The following MICAL2 variants were observed in gnomAD, a reference collection of about 807,000 sequenced individuals.
MICAL2 encodes the protein microtubule associated monooxygenase, calponin and LIM domain containing 2.
MICAL2 carries 77 observed loss-of-function variants against 127.3 expected under a neutral mutation model. The ratio of observed to expected loss-of-function variants is 0.60; its 90% CI spans 0.50 to 0.73. The LOEUF is 0.73. Ranked by LOEUF, MICAL2 falls within the 30% of genes least tolerant of loss-of-function variation. The pLI is 0.00. For missense variants in MICAL2, 1,351 were observed against 1,434.4 expected (o/e 0.94, Z 0.94); for synonymous variants, 570 against 551.1 (o/e 1.03, Z -0.48).
intron 2 of MICAL2, among the ~76,000 whole-genome samples, chr11:12,155,493 TACAC>T (rs1219418022): frequency 6.6e-6 from 1 of 151,926 alleles, no homozygotes; most frequent in Non-Finnish European, 1.5e-5. Context: ...CCTGCAAACA[TACAC>T]ACGTACACAT....
chr11:12,194,317 T>C (rs572763268), intron 3 of MICAL2, among the ~76,000 whole-genome samples: 2 of 152,310 alleles, frequency 1.3e-5, no homozygotes, highest in East Asian at 1.9e-4. Context: ...CTGTAAGACA[T>C]GGATGATGGA....
At chr11:12,354,704 G>A in intron 33 of MICAL2, 1 of 1,134,044 alleles carries the variant, frequency 8.8e-7, no homozygotes. Context: ...GAATGCTGTA[G>A]CTACTCTCAA....
At chr11:12,242,528 G>C (rs1340163801) in intron 19 of MICAL2, 96 bp downstream of exon 19, 14 of 1,434,244 alleles carry the variant, frequency 9.8e-6, no homozygotes, top group Non-Finnish European at 1.4e-5. Flanking sequence ...TCCTCCCTCT[G>C]CCCACCCCCT....
rs1235616399 is a variant in MICAL2 at position 12,196,138 on chromosome 11, T to C, written c.265-8112T>C. On this transcript the variant is annotated intron_variant, in intron 3 of 27. Transcript: ENST00000683283. The stretch of plus-strand genomic sequence containing the variant: ...AGGCAGCGTGTGAGCCGGTGAAAAT[T>C]GATTGGATTCTATATCTGTTCTGAA... 9.8e-5 allele frequency: 15 copies of C among 153,416 alleles called. No homozygotes were observed. The Admixed American group carries it at 9.8e-4, about 10-fold the overall frequency. 9.5% of individuals were successfully genotyped at this position (153,416 alleles called of 1,614,324 possible).
chr11:12,279,647 C>G (rs996092175), intron 1 of MICAL2, among the ~76,000 whole-genome samples: 1 of 152,178 alleles, frequency 6.6e-6, no homozygotes, highest in African/African-American at 2.4e-5. Context: ...AGGGCAGGAG[C>G]CAGAGTCTCA....
At chr11:12,163,332 G>A (rs1303631402) in intron 3 of MICAL2, among the ~76,000 whole-genome samples, 3 of 152,194 alleles carry the variant, frequency 2.0e-5, no homozygotes, top group South Asian at 4.1e-4. Context: ...GGTTAAAATC[G>A]AATGTGCTGT....
At chr11:12,148,593 A>G (rs1853215528) in intron 2 of MICAL2, among the ~76,000 whole-genome samples, 1 of 152,196 alleles carries the variant, frequency 6.6e-6, no homozygotes, top group South Asian at 2.1e-4. Flanking sequence ...TAGCCACTAC[A>G]CACCCTGAAT....
rs576083753 is a variant in MICAL2, at chr11:12,245,864, A to T, written c.2784+1752A>T. 1.5e-4 allele frequency among the ~76,000 whole-genome samples: 23 copies of T among 152,364 alleles called. No individual in the cohort carries two copies. In the South Asian group the frequency reaches 2.3e-3, roughly 15 times the overall value. ...ATACTCCCTACTACGGGAAAAGGTC[A>T]TGGCACCCTTGGCAGGATGGTGGGA... On this transcript the variant is annotated intron_variant, in intron 21 of 27. Coordinates refer to ENST00000683283, the MANE Select transcript of MICAL2 (RefSeq NM_001282663.2).
chr11:12,358,141 C>T (rs1239305423), intron 34 of MICAL2, among the ~76,000 whole-genome samples: 4 of 152,184 alleles, frequency 2.6e-5, no homozygotes, highest in African/African-American at 9.7e-5. Flanking sequence ...ATCTCTCACT[C>T]TAAGGGCGGT....
chr11:12,201,887 G>T (rs977445183), intron 3 of MICAL2, among the ~76,000 whole-genome samples: 12 of 152,202 alleles, frequency 7.9e-5, no homozygotes, highest in Admixed American at 2.6e-4. Flanking sequence ...GGGAGGCCAA[G>T]GCGGGCAGAT....
At chr11:12,203,545 A>G (rs1391041425) in intron 3 of MICAL2, among the ~76,000 whole-genome samples, 1 of 152,162 alleles carries the variant, frequency 6.6e-6, no homozygotes, top group African/African-American at 2.4e-5. Context: ...CTTAGTGACC[A>G]TTTGTATATC....
Position 12,224,551 on chromosome 11 carries a change from G to A in MICAL2, c.1541-122G>A, listed in dbSNP as rs986523394. The A allele has an allele frequency of 2.2e-6, 3 of 1,356,340 alleles. No individual in the cohort carries two copies. The African/African-American group carries it at 4.3e-5, about 19-fold the overall frequency. 84.0% of individuals were successfully genotyped at this position (1,356,340 alleles called of 1,614,324 possible). ...ACCCGTGCCAGTGGCCCCCTGCCCT[G>A]GCCCCTTGCCTTGGGGCCGCTCGTC... On this transcript the variant is annotated intron_variant, in intron 12 of 27. Coordinates refer to ENST00000683283, the MANE Select transcript of MICAL2 (RefSeq NM_001282663.2).
Position 12,262,116 on chromosome 11 carries a change from C to A in MICAL2, c.3335-364C>A, listed in dbSNP as rs866433992. On this transcript the variant is annotated intron_variant, in intron 26 of 27. Coordinates refer to ENST00000683283, the MANE Select transcript of MICAL2 (RefSeq NM_001282663.2). ...TGTTTGTACGCTCTGAGATGTTGAA[C>A]CTTTCTGGTGGGCAGCACCGACACC... 18 of 1,141,824 alleles carry A rather than the reference C, an allele frequency of 1.6e-5. No homozygotes were observed. In the African/African-American group the frequency reaches 1.9e-4, roughly 12 times the overall value. 70.7% of individuals were successfully genotyped at this position (1,141,824 alleles called of 1,614,324 possible).
chr11:12,252,946 C>T (rs1222177514), intron 22 of MICAL2: 1 of 152,270 alleles, frequency 6.6e-6, no homozygotes, highest in East Asian at 1.9e-4. Context: ...GGTTCAGAAG[C>T]TGGGGAGGAC....
intron 4 of MICAL2, among the ~76,000 whole-genome samples, chr11:12,206,017 T>C (rs1332312594): frequency 6.6e-6 from 1 of 152,230 alleles, no homozygotes; most frequent in Non-Finnish European, 1.5e-5. Context: ...CAGGAGAATT[T>C]ACCAGCTGTG....
chr11:12,137,006 C>G (rs890200528), intron 1 of MICAL2, among the ~76,000 whole-genome samples: 47 of 152,192 alleles, frequency 3.1e-4, no homozygotes, highest in African/African-American at 1.1e-3. Flanking sequence ...ACCAGGATGT[C>G]CAGCTCCCCA....
chr11:12,275,597 A>C (rs546853219), upstream of MICAL2, among the ~76,000 whole-genome samples: 1 of 152,302 alleles, frequency 6.6e-6, no homozygotes, highest in East Asian at 1.9e-4. Flanking sequence ...AGCTGGGTCA[A>C]ATGCTGCTGG....
chr11:12,232,198 T>C (rs1391021869), intron 15 of MICAL2, among the ~76,000 whole-genome samples: 2 of 152,234 alleles, frequency 1.3e-5, no homozygotes, highest in East Asian at 3.8e-4. Flanking sequence ...TAAAATGATC[T>C]GGCTTGAACA....
chr11:12,262,602 G>A (rs373141904), intron 27 of MICAL2, 65 bp downstream of exon 27: 48 of 1,336,382 alleles, frequency 3.6e-5, no homozygotes, highest in Admixed American at 2.7e-4. Context: ...TCCGCACCCC[G>A]TCCTCTCCGC....
Sources: gnomAD v4.1 joint callset for allele counts (sites outside exome capture counted in the v4.1 genomes callset) on GRCh38, gnomAD v4.1.1 for gene constraint, MANE v1.5 for transcripts, NCBI Gene and HGNC (gene_info 2026-07-23, HGNC 2026-07-21) for gene names.